MED11: variants seen among roughly 807,000 people sequenced by gnomAD.
The protein encoded by MED11 is mediator of RNA polymerase II transcription subunit 11.
Under a neutral mutation model 13.9 loss-of-function variants are expected in MED11, and 19 were observed. The ratio of observed to expected loss-of-function variants is 1.36; its 90% CI spans 0.95 to 2.00. The LOEUF (loss-of-function observed/expected upper bound fraction) is 2.00, where lower values mean the gene tolerates loss of function less well. MED11 is among the 30% of genes most tolerant of loss of function. The probability of loss-of-function intolerance (pLI) is 0.00; values close to 1 mark genes in which losing one functional copy is unlikely to be tolerated. For synonymous variants in MED11, 67 were observed against 62.1 expected, an observed-to-expected ratio of 1.08 and a Z score of -0.37; for missense variants, 134 against 150.2, an observed-to-expected ratio of 0.89 and a Z score of 0.56.
In MED11 at chr17:4,733,535, C is replaced by T. The variant is rs568018909; in HGVS notation, c.*348C>T. On this transcript the variant is annotated 3_prime_UTR_variant, in exon 3 of 3. Coordinates refer to ENST00000293777, the MANE Select transcript of MED11 (RefSeq NM_001001683.4). ...TAATGAAAATACATACTTCTTCATTCGGAGAGACAAAACAAGAACTAGAGT... is the reference window on the plus strand; with the variant it reads ...TAATGAAAATACATACTTCTTCATTTGGAGAGACAAAACAAGAACTAGAGT... The T allele has an allele frequency of 1.7e-4, 35 of 201,128 alleles. No individual in the cohort carries two copies. In the East Asian group the frequency reaches 3.8e-3, roughly 22 times the overall value. The allele number at this position is 201,128 out of a possible 1,614,324, so 12.5% of individuals were successfully genotyped here.
At position 4,733,382 on chromosome 17, in the gene MED11, G is replaced by A. The variant is rs767607460; in HGVS notation, c.*195G>A. The A allele has an allele frequency of 1.9e-5, 12 of 617,544 alleles. No individual in the cohort carries two copies. Among genetic ancestry groups the A allele is most frequent in the Non-Finnish European group, 3.3e-5 (12 of 364,510 alleles). 38.3% of individuals were successfully genotyped at this position (617,544 alleles called of 1,614,324 possible). A position where few individuals can be genotyped will look rare whatever the true frequency, so the allele number is the denominator to read the frequency against. ...CCACAGCTATGCTTTGGCCTCTCCAGCAGGGTGCTCCTGCTCTGCACTCCA... is the reference window on the plus strand; with the variant it reads ...CCACAGCTATGCTTTGGCCTCTCCAACAGGGTGCTCCTGCTCTGCACTCCA... On this transcript the variant is annotated 3_prime_UTR_variant, in exon 3 of 3. Transcript: ENST00000293777.
rs557424796 is a variant in MED11, at chr17:4,732,258, T to C, written c.216+352T>C. 405 of 272,462 alleles carry C rather than the reference T, an allele frequency of 1.5e-3. 1 individual carries two copies. Among genetic ancestry groups the C allele is most frequent in the Non-Finnish European group, 2.2e-3 (313 of 145,320 alleles). 16.9% of individuals were successfully genotyped at this position (272,462 alleles called of 1,614,324 possible). A position where few individuals can be genotyped will look rare whatever the true frequency, so the allele number is the denominator to read the frequency against. On this transcript the variant is annotated intron_variant, in intron 2 of 2. Transcript: ENST00000293777. ...GGCCAACATGGTGAAACTCCGTCTC[T>C]ACTAAAAATACAAAAATTAGCTGGG...
chr17:4,731,766 G>A lies in MED11; in HGVS notation c.86-10G>A, dbSNP rs1256988521. 6.2e-7 allele frequency: 1 copy of A among 1,613,190 alleles called. No individual in the cohort carries two copies. The highest frequency in any genetic ancestry group is 8.5e-7 in the Non-Finnish European group (1 of 1,179,456). ...CTCCGTGTGTCCCCGCCCTCTCTCC[G>A]CCCTGGCAGGTACTGTGATCCTAGA... On this transcript the variant is annotated splice_polypyrimidine_tract_variant and intron_variant, in intron 1 of 2. Coordinates refer to ENST00000293777, the MANE Select transcript of MED11 (RefSeq NM_001001683.4).
In MED11 at chr17:4,733,275, G is replaced by A; in HGVS notation, c.*88G>A. ...GGAACATGTAGGGTGGGGAGTATGA[G>A]CACCAACATACCCTGCTGGTCAAAG... On this transcript the variant is annotated 3_prime_UTR_variant, in exon 3 of 3. Coordinates refer to ENST00000293777, the MANE Select transcript of MED11 (RefSeq NM_001001683.4). The A allele has an allele frequency of 6.7e-7, 1 of 1,496,890 alleles. No homozygotes were observed. The highest frequency in any genetic ancestry group is 9.1e-7 in the Non-Finnish European group (1 of 1,097,084). The allele number at this position is 1,496,890 out of a possible 1,614,324, so 92.7% of individuals were successfully genotyped here.
chr17:4,732,827 T>C lies in MED11; in HGVS notation c.217-223T>C, dbSNP rs908808049. The C allele has an allele frequency of 9.0e-6, 5 of 556,774 alleles. No homozygotes were observed. In the African/African-American group the frequency reaches 9.5e-5, roughly 11 times the overall value. The allele number at this position is 556,774 out of a possible 1,614,324, so 34.5% of individuals were successfully genotyped here. On this transcript the variant is annotated intron_variant, in intron 2 of 2. Transcript: ENST00000293777. ...ACTACCATTACTAATTTTTACGGTGTGCCAGATACTCTGCATTACTTTATC... is the reference window on the plus strand; with the variant it reads ...ACTACCATTACTAATTTTTACGGTGCGCCAGATACTCTGCATTACTTTATC...
chr17:4,733,508 C>G lies in MED11; in HGVS notation c.*321C>G. The G allele has an allele frequency of 4.0e-6, 1 of 252,344 alleles. No individual in the cohort carries two copies. Among genetic ancestry groups the G allele is most frequent in the Non-Finnish European group, 7.6e-6 (1 of 131,624 alleles). 15.6% of individuals were successfully genotyped at this position (252,344 alleles called of 1,614,324 possible). A position where few individuals can be genotyped will look rare whatever the true frequency, so the allele number is the denominator to read the frequency against. ...TGCCCCAGCCTTCCCGCAGACTTGG[C>G]CTAATGAAAATACATACTTCTTCAT... On this transcript the variant is annotated 3_prime_UTR_variant, in exon 3 of 3. Transcript: ENST00000293777.
rs1403012889 is a variant in MED11 at position 4,733,439 on chromosome 17, G to A, written c.*252G>A. On this transcript the variant is annotated 3_prime_UTR_variant, in exon 3 of 3. Transcript: ENST00000293777. ...CCCTGACAGGCTCAGAGAGGAGATG[G>A]AAACTGACATACCCAACCCACTTCC... The A allele has an allele frequency of 4.7e-6, 2 of 429,926 alleles. No individual in the cohort carries two copies. Among genetic ancestry groups the A allele is most frequent in the African/African-American group, 4.0e-5 (2 of 49,864 alleles). The allele number at this position is 429,926 out of a possible 1,614,324, so 26.6% of individuals were successfully genotyped here.
intron 2 of MED11, chr17:4,732,200 G>A: frequency 2.5e-6 from 1 of 393,406 alleles, no homozygotes; most frequent in Non-Finnish European, 4.5e-6. Flanking sequence ...GAGGCGGGTG[G>A]ATCATCTGAG....
At position 4,731,795 on chromosome 17, in the gene MED11, G is replaced by A. The variant is rs139432286; in HGVS notation, c.105G>A (p.Leu35=). ...LQNAGTVILE[L]SKEKTNERLL... ...TGGCAGGTACTGTGATCCTAGAATT[G>A]TCCAAGGAAAAAACTAACGAGCGGC... The change falls in exon 2 of 3, where the codon TTG becomes TTA. Residue 35 remains leucine (L), a synonymous_variant. Transcript: ENST00000293777. 1,085 of 1,614,194 alleles carry A rather than the reference G, an allele frequency of 6.7e-4. 5 individuals are homozygous for A. The African/African-American group carries it at 0.013, about 19-fold the overall frequency.
intron 2 of MED11, 88 bp downstream of exon 2, chr17:4,731,994 G>T: frequency 1.3e-6 from 2 of 1,483,170 alleles, no homozygotes; most frequent in South Asian, 1.3e-5. Context: ...GCATTAACTG[G>T]GCAGGACCAG....
In MED11 at chr17:4,733,124, G is replaced by A. The variant is rs749911621; in HGVS notation, c.291G>A (p.Val97=). ...ACTGTCAGATGGCTCTGAAGCGAGTGGACTATGCCCGCCTCAAGCTCAGTG... is the reference window on the plus strand; with the variant it reads ...ACTGTCAGATGGCTCTGAAGCGAGTAGACTATGCCCGCCTCAAGCTCAGTG... ...RKDCQMALKR[V]DYARLKLSDV... The change falls in exon 3 of 3, where the codon GTG becomes GTA. Residue 97 remains valine, a synonymous_variant. Coordinates refer to ENST00000293777, the MANE Select transcript of MED11 (RefSeq NM_001001683.4). 4.3e-6 allele frequency: 7 copies of A among 1,614,030 alleles called. No individual in the cohort carries two copies. The African/African-American group carries it at 8.0e-5, about 18-fold the overall frequency.
intron 2 of MED11, 174 bp downstream of exon 2, chr17:4,732,080 G>A (rs1344923611): frequency 1.4e-6 from 1 of 708,494 alleles, no homozygotes; most frequent in Non-Finnish European, 2.2e-6. Context: ...TGGCTTGACA[G>A]AGTTCGAGAC....
Position 4,731,848 on chromosome 17 carries a change from C to G in MED11, c.158C>G (p.Thr53Ser). Residue 53 changes from threonine (T) to serine (S), a missense_variant, in exon 2 of 3, where the codon ACC (threonine) becomes AGC (serine). Transcript: ENST00000293777. ...RLLDRQAAAF[T>S]ASVQHVEAEL... is the part of the protein sequence containing the mutation. ...CTAGACCGGCAGGCGGCGGCCTTCA[C>G]CGCTTCAGTGCAACACGTGGAGGCG... The G allele has an allele frequency of 6.2e-7, 1 of 1,614,090 alleles. No homozygotes were observed. Among genetic ancestry groups the G allele is most frequent in the Non-Finnish European group, 8.5e-7 (1 of 1,180,018 alleles).
At chr17:4,731,737 C>A in intron 1 of MED11, 39 bp from the exon 2 acceptor site, 1 of 1,608,918 alleles carries the variant, frequency 6.2e-7, no homozygotes, top group Non-Finnish European at 8.5e-7. Flanking sequence ...GCTACACTGG[C>A]AGTCTCCGTG....
intron 1 of MED11, 22 bp downstream of exon 1, chr17:4,731,596 A>G: frequency 6.2e-7 from 1 of 1,614,008 alleles, no homozygotes; most frequent in Non-Finnish European, 8.5e-7. Context: ...GACAACCTGG[A>G]CAGCGGGGAG....
In MED11 at chr17:4,731,619, CGGGCTGCACTGGCAGCCT is replaced by C. The variant is rs773172209; in HGVS notation, c.85+47_85+64del. On this transcript the variant is annotated intron_variant, in intron 1 of 2. Transcript: ENST00000293777. ...GGACAGCGGGGAGCGAAAGCGTGAC[CGGGCTGCACTGGCAGCCT>C]GACCTGGGACTTGGAGCAGGGTTGG... 1.2e-5 allele frequency: 20 copies of C among 1,611,968 alleles called. No individual in the cohort carries two copies. In the South Asian group the frequency reaches 2.1e-4, roughly 17 times the overall value.
At position 4,731,780 on chromosome 17, in the gene MED11, T is replaced by G. The variant is rs200527238; in HGVS notation, c.90T>G (p.Thr30=). ...EIGAILQNAG[T]VILELSKEKT... ...GCCCTCTCTCCGCCCTGGCAGGTACTGTGATCCTAGAATTGTCCAAGGAAA... is the reference window on the plus strand; with the variant it reads ...GCCCTCTCTCCGCCCTGGCAGGTACGGTGATCCTAGAATTGTCCAAGGAAA... The change falls in exon 2 of 3, where the codon ACT becomes ACG. Residue 30 remains threonine (T), a synonymous_variant. Transcript: ENST00000293777. 72 of 1,613,984 alleles carry G rather than the reference T, an allele frequency of 4.5e-5. No individual in the cohort carries two copies. The Middle Eastern group carries it at 2.0e-3, about 44-fold the overall frequency.
In MED11 at chr17:4,733,127, C is replaced by T; in HGVS notation, c.294C>T (p.Asp98=). The stretch of plus-strand genomic sequence containing the variant: ...GTCAGATGGCTCTGAAGCGAGTGGA[C>T]TATGCCCGCCTCAAGCTCAGTGATG... ...KDCQMALKRV[D]YARLKLSDVA... The change falls in exon 3 of 3, where the codon GAC becomes GAT. Residue 98 remains aspartate, a synonymous_variant. Transcript: ENST00000293777. 2 of 1,614,202 alleles carry T rather than the reference C, an allele frequency of 1.2e-6. No individual in the cohort carries two copies. Among genetic ancestry groups the T allele is most frequent in the East Asian group, 2.2e-5 (1 of 44,892 alleles).
chr17:4,732,951 C>G, intron 2 of MED11, 99 bp from the exon 3 acceptor site: 1 of 1,411,702 alleles, frequency 7.1e-7, no homozygotes, highest in Middle Eastern at 1.8e-4. Context: ...ACCAGATGGC[C>G]TAACAAATTC....
Sources: gnomAD v4.1 joint callset for allele counts on GRCh38, gnomAD v4.1.1 for gene constraint, MANE v1.5 for transcripts, NCBI Gene and HGNC (gene_info 2026-07-23, HGNC 2026-07-21) for gene names.